The following RIMS2 variants were observed in gnomAD, a reference collection of about 807,000 sequenced individuals.
RIMS2 encodes the protein regulating synaptic membrane exocytosis protein 2.
Under a neutral mutation model 174.4 loss-of-function variants are expected in RIMS2, and 59 were observed. The ratio of observed to expected loss-of-function variants is 0.34; its 90% CI spans 0.27 to 0.42. The LOEUF (loss-of-function observed/expected upper bound fraction) is 0.42, where lower values mean the gene tolerates loss of function less well. Among genes scored for constraint, RIMS2 ranks in the 10% least tolerant of loss-of-function variants. The pLI is 1.00. For synonymous variants in RIMS2, 606 were observed against 572.5 expected, an observed-to-expected ratio of 1.06 and a Z score of -0.84; for missense variants, 1,620 against 1,666.3, an observed-to-expected ratio of 0.97 and a Z score of 0.48.
At chr8:103,648,514 A>C (rs1180859554) in intron 1 of RIMS2, among the ~76,000 whole-genome samples, 1 of 152,052 alleles carries the variant, frequency 6.6e-6, no homozygotes, top group Non-Finnish European at 1.5e-5. Context: ...TTCTGTCTCG[A>C]TGATCTGTCT....
rs568553799 is a variant in RIMS2, at chr8:103,987,215, C to G, written c.2928-2090C>G. Reference sequence around the variant, plus strand: ...CTATGTTGCCCAGGCTAGACTCGAACTCCTGGGCTCAAGCAATCCTCTAGG... The same window carrying G: ...CTATGTTGCCCAGGCTAGACTCGAAGTCCTGGGCTCAAGCAATCCTCTAGG... On this transcript the variant is annotated intron_variant, in intron 16 of 23. Coordinates refer to ENST00000504942, the Ensembl canonical transcript of RIMS2. 4.0e-5 allele frequency among the ~76,000 whole-genome samples: 6 copies of G among 151,780 alleles called. No homozygotes were observed. In the South Asian group the frequency reaches 1.3e-3, roughly 32 times the overall value.
intron 3 of RIMS2, among the ~76,000 whole-genome samples, chr8:103,834,728 C>CTT (rs1157814804): frequency 2.5e-5 from 3 of 120,948 alleles, no homozygotes; most frequent in African/African-American, 1.1e-4. Flanking sequence ...TTCTTTCTTT[C>CTT]TTTCTTTCTT....
At chr8:104,088,808 A>T (rs897751751) in intron 19 of RIMS2, among the ~76,000 whole-genome samples, 1 of 151,936 alleles carries the variant, frequency 6.6e-6, no homozygotes. Context: ...ATTGTAATTT[A>T]TTTTTTTAAG....
At chr8:103,766,330 A>G (rs2098170782) in exon 3 of RIMS2, 1 of 1,613,510 alleles carries the variant, frequency 6.2e-7, no homozygotes, top group Non-Finnish European at 8.5e-7. Flanking sequence ...CAACCTGATC[A>G]AAAGGTTCTT....
chr8:104,078,651 A>G (rs2154562762), intron 19 of RIMS2, among the ~76,000 whole-genome samples: 1 of 152,352 alleles, frequency 6.6e-6, no homozygotes. Flanking sequence ...AGTCTATAAC[A>G]CATCTCTACA....
At chr8:103,777,675 A>G (rs1305595183) in intron 3 of RIMS2, among the ~76,000 whole-genome samples, 1 of 152,024 alleles carries the variant, frequency 6.6e-6, no homozygotes, top group Non-Finnish European at 1.5e-5. Context: ...TAGACAGAAA[A>G]TAAATATAAA....
At chr8:103,596,847 C>G (rs2094496250) in intron 1 of RIMS2, among the ~76,000 whole-genome samples, 1 of 151,920 alleles carries the variant, frequency 6.6e-6, no homozygotes, top group Admixed American at 6.6e-5. Context: ...AGCACTTTGC[C>G]AAGTAGTTGT....
In RIMS2 at chr8:104,236,666, A is replaced by C. The variant is rs891735101; in HGVS notation, c.3335-8250A>C. Among the ~76,000 whole-genome samples, 5 of 152,236 alleles carry C rather than the reference A, an allele frequency of 3.3e-5. No homozygotes were observed. The South Asian group carries it at 1.0e-3, about 32-fold the overall frequency. On this transcript the variant is annotated intron_variant, in intron 19 of 23. Transcript: ENST00000504942. ...TTTTATTAATGGATATGTGAATACT[A>C]TTATGGGTCATCATACTGCATGTTA...
In RIMS2 at chr8:104,072,075, G is replaced by T. The variant is rs943112572; in HGVS notation, c.3334+57460G>T. Reference sequence around the variant, plus strand: ...GTCTCTTAAGTACAACTTTTTAAGGGGTTCCAAAATACAACCCTATTTTGT... The same window carrying T: ...GTCTCTTAAGTACAACTTTTTAAGGTGTTCCAAAATACAACCCTATTTTGT... On this transcript the variant is annotated intron_variant, in intron 19 of 23. Coordinates refer to ENST00000504942, the Ensembl canonical transcript of RIMS2. 4.0e-5 allele frequency among the ~76,000 whole-genome samples: 6 copies of T among 151,866 alleles called. No homozygotes were observed. The East Asian group carries it at 9.7e-4, about 24-fold the overall frequency.
chr8:103,756,395 T>TG (rs913076293), intron 2 of RIMS2, among the ~76,000 whole-genome samples: 3 of 151,172 alleles, frequency 2.0e-5, no homozygotes, highest in African/African-American at 2.4e-5. Flanking sequence ...TTTTTGTTTT[T>TG]TTTTTTTTGC....
rs145001619 is a variant in RIMS2, at chr8:103,880,654, C to T, written c.699-4644C>T. 846 of 534,538 alleles carry T rather than the reference C, an allele frequency of 1.6e-3. 17 individuals are homozygous for T. In the East Asian group the frequency reaches 0.021, roughly 13 times the overall value. 33.1% of individuals were successfully genotyped at this position (534,538 alleles called of 1,614,324 possible). The stretch of plus-strand genomic sequence containing the variant: ...TTGATGTATTTTTGTCAACATGATG[C>T]TTCATGCTCGACAGATGTGCATTGG... On this transcript the variant is annotated intron_variant, in intron 3 of 23. Transcript: ENST00000504942.
intron 19 of RIMS2, among the ~76,000 whole-genome samples, chr8:104,186,382 G>A (rs2098968013): frequency 6.6e-6 from 1 of 151,680 alleles, no homozygotes; most frequent in Non-Finnish European, 1.5e-5. Context: ...TTATAGAAAA[G>A]AAACCTCTGA....
chr8:103,910,234 C>T (rs1019594353), intron 5 of RIMS2, 87 bp from the exon 8 acceptor site: 29 of 1,535,184 alleles, frequency 1.9e-5, no homozygotes, highest in East Asian at 1.8e-4. Flanking sequence ...ATTTAATTTT[C>T]GTTATCATTT....
chr8:103,644,733 G>A lies in RIMS2; in HGVS notation c.177-52353G>A, dbSNP rs151151749. Among the ~76,000 whole-genome samples the A allele has an allele frequency of 6.2e-3, 933 of 151,130 alleles. 12 individuals carry two copies. Among genetic ancestry groups the A allele is most frequent in the African/African-American group, 0.021 (883 of 41,392 alleles). Reference sequence around the variant, plus strand: ...TATTTTAAATATTTATACATATTTTGTTTGGGAGGATGATGCAAATGTTAT... The same window carrying A: ...TATTTTAAATATTTATACATATTTTATTTGGGAGGATGATGCAAATGTTAT... On this transcript the variant is annotated intron_variant, in intron 1 of 23. Transcript: ENST00000504942.
At chr8:104,032,470 A>T (rs992785520) in intron 19 of RIMS2, among the ~76,000 whole-genome samples, 3 of 152,208 alleles carry the variant, frequency 2.0e-5, no homozygotes, top group Middle Eastern at 3.4e-3. Context: ...AAGCAGTAGG[A>T]TATAAATAAC....
At chr8:103,603,950 C>A (rs1451461636) in intron 1 of RIMS2, among the ~76,000 whole-genome samples, 1 of 146,626 alleles carries the variant, frequency 6.8e-6, no homozygotes, top group South Asian at 2.2e-4. Flanking sequence ...TTGTAGGTTG[C>A]CTGTTCACTC....
intron 1 of RIMS2, among the ~76,000 whole-genome samples, chr8:103,592,521 C>G (rs1017993544): frequency 2.0e-5 from 3 of 151,126 alleles, no homozygotes; most frequent in Admixed American, 6.6e-5. Flanking sequence ...TTAGATAAAA[C>G]AAAGATTCAA....
At chr8:103,754,368 A>G (rs1175543169) in intron 2 of RIMS2, among the ~76,000 whole-genome samples, 1 of 152,140 alleles carries the variant, frequency 6.6e-6, no homozygotes, top group Non-Finnish European at 1.5e-5. Context: ...CAGTTTTAGA[A>G]TAAGTGCGTT....
At chr8:103,647,159 C>G (rs1157420587) in intron 1 of RIMS2, among the ~76,000 whole-genome samples, 1 of 152,102 alleles carries the variant, frequency 6.6e-6, no homozygotes, top group Non-Finnish European at 1.5e-5. Flanking sequence ...ATTGAACCAA[C>G]CTTTTATTGT....
Sources: gnomAD v4.1 joint callset for allele counts (sites outside exome capture counted in the v4.1 genomes callset) on GRCh38, gnomAD v4.1.1 for gene constraint, MANE v1.5 for transcripts, NCBI Gene and HGNC (gene_info 2026-07-23, HGNC 2026-07-21) for gene names.